PPFIA1: variants seen among roughly 807,000 people sequenced by gnomAD.
PPFIA1 encodes liprin-alpha-1.
In PPFIA1, 25 loss-of-function variants were observed where a neutral mutation model predicts 149.9. The observed-to-expected ratio is 0.17, with a 90% CI of 0.12 to 0.23. The LOEUF (loss-of-function observed/expected upper bound fraction) is 0.23, where lower values mean the gene tolerates loss of function less well. Among genes scored for constraint, PPFIA1 ranks in the 10% least tolerant of loss-of-function variants. The probability of loss-of-function intolerance (pLI) is 1.00; values close to 1 mark genes in which losing one functional copy is unlikely to be tolerated. For synonymous variants in PPFIA1, 549 were observed against 552.8 expected (o/e 0.99, Z 0.10); for missense variants, 1,362 against 1,506.5 (o/e 0.90, Z 1.59).
rs780588118 is a variant in PPFIA1, at chr11:70,343,835, C to T, written c.1874C>T (p.Ala625Val). ...DLLSPSGQAD[A>V]HTLAMMLQEQ... ...CTATCGCCCAGCGGGCAGGCCGACG[C>T]GCACACACTAGCCATGATGCTTCAG... Residue 625 changes from alanine to valine, a missense_variant, in exon 15 of 28, where the codon GCG becomes GTG. This residue lies in a region of PPFIA1 where 733 missense variants were observed against 744.1 expected (regional missense o/e 0.99). Transcript: ENST00000253925. The T allele has an allele frequency of 2.6e-5, 42 of 1,613,990 alleles. No individual in the cohort carries two copies. Among genetic ancestry groups the T allele is most frequent in the Non-Finnish European group, 2.9e-5 (34 of 1,180,030 alleles).
At chr11:70,298,418 G>A (rs1350696103) in intron 2 of PPFIA1, among the ~76,000 whole-genome samples, 1 of 152,170 alleles carries the variant, frequency 6.6e-6, no homozygotes, top group African/African-American at 2.4e-5. Flanking sequence ...TGATGAATTA[G>A]GAGACTGCTT....
At chr11:70,279,903 G>GTGTGTGTGTGTGTGTGTGTGTGTGT (rs1328899566) in intron 2 of PPFIA1, among the ~76,000 whole-genome samples, 267 of 100,000 alleles carry the variant, frequency 2.7e-3, no homozygotes, top group African/African-American at 0.018. Flanking sequence ...TGTGTGTGGG[G>GTGTGTGTGTGTGTGTGTGTGTGTGT]GATGTGTGTG....
At chr11:70,343,374 C>T (rs1170235227) in intron 14 of PPFIA1, among the ~76,000 whole-genome samples, 2 of 152,188 alleles carry the variant, frequency 1.3e-5, no homozygotes, top group Admixed American at 6.5e-5. Context: ...CCACCCTTCC[C>T]GGCTGATTTT....
chr11:70,288,263 G>C (rs940549280), intron 2 of PPFIA1, among the ~76,000 whole-genome samples: 1 of 151,904 alleles, frequency 6.6e-6, no homozygotes, highest in Non-Finnish European at 1.5e-5. Context: ...GTAGAGATGG[G>C]GTTTCACCAT....
At chr11:70,327,221 C>T (rs1029981831) in intron 7 of PPFIA1, 1 of 176,198 alleles carries the variant, frequency 5.7e-6, no homozygotes, top group African/African-American at 2.4e-5. Context: ...ACTTAGCAAG[C>T]AGATATTGAT....
chr11:70,295,238 C>T (rs1459743112), intron 2 of PPFIA1, among the ~76,000 whole-genome samples: 1 of 138,686 alleles, frequency 7.2e-6, no homozygotes, highest in African/African-American at 2.8e-5. Flanking sequence ...AGGGGCTGAC[C>T]CCCCCACCTC....
chr11:70,321,138 G>T (rs2053914685), intron 2 of PPFIA1: 1 of 152,202 alleles, frequency 6.6e-6, no homozygotes, highest in African/African-American at 2.4e-5. Context: ...CTTGTGAATG[G>T]AATAATGTGC....
At chr11:70,278,833 A>T (rs1202938603) in intron 2 of PPFIA1, 1 of 389,390 alleles carries the variant, frequency 2.6e-6, no homozygotes, top group Admixed American at 3.9e-5. Flanking sequence ...TCACAGAGAT[A>T]TAGTTCACTG....
intron 19 of PPFIA1, among the ~76,000 whole-genome samples, chr11:70,359,372 G>A (rs1287080902): frequency 6.6e-6 from 1 of 152,158 alleles, no homozygotes; most frequent in Non-Finnish European, 1.5e-5. Flanking sequence ...TCATCAGGGC[G>A]ACCCTACATC....
intron 21 of PPFIA1, among the ~76,000 whole-genome samples, chr11:70,370,931 G>A (rs554186862): frequency 9.2e-5 from 14 of 152,240 alleles, no homozygotes; most frequent in Non-Finnish European, 1.9e-4. Flanking sequence ...TCAGGAGTTT[G>A]AGACCAGTCT....
chr11:70,333,425 A>G, intron 9 of PPFIA1, 45 bp from the exon 10 acceptor site: 1 of 1,494,598 alleles, frequency 6.7e-7, no homozygotes, highest in Non-Finnish European at 9.3e-7. Context: ...CATGTCGTTA[A>G]TGAAGTGTAA....
chr11:70,360,888 A>G (rs1368443328), intron 19 of PPFIA1, among the ~76,000 whole-genome samples: 1 of 152,206 alleles, frequency 6.6e-6, no homozygotes, highest in African/African-American at 2.4e-5. Flanking sequence ...TTGCAAACCA[A>G]ATGTATGTGT....
At chr11:70,333,362 G>A (rs753801801) in intron 9 of PPFIA1, 108 bp from the exon 10 acceptor site, 41 of 824,998 alleles carry the variant, frequency 5.0e-5, no homozygotes, top group Non-Finnish European at 6.4e-5. Flanking sequence ...TTAGTATGGC[G>A]GAGCAGCCCA....
chr11:70,367,530 CTG>C (rs1208542909), intron 21 of PPFIA1: 7 of 456,008 alleles, frequency 1.5e-5, no homozygotes, highest in Admixed American at 1.2e-4. Context: ...GGAGTAAACA[CTG>C]TGCAGTGGGT....
chr11:70,298,039 G>GA (rs35837817), intron 2 of PPFIA1, among the ~76,000 whole-genome samples: 2,457 of 152,238 alleles, frequency 0.016, 26 homozygotes, highest in Non-Finnish European at 0.023. Flanking sequence ...GAATTATCAG[G>GA]AAAAAATGCC....
chr11:70,332,898 G>A (rs1308463574), intron 9 of PPFIA1: 1 of 399,280 alleles, frequency 2.5e-6, no homozygotes, highest in Admixed American at 2.6e-5. Flanking sequence ...TCACACACCT[G>A]TTCCTTCTAG....
At chr11:70,367,450 C>A in intron 21 of PPFIA1, 1 of 451,368 alleles carries the variant, frequency 2.2e-6, no homozygotes, top group South Asian at 1.6e-5. Context: ...ACCCATGGTC[C>A]CCCCGTCATG....
At chr11:70,287,702 G>A (rs530918059) in intron 2 of PPFIA1, among the ~76,000 whole-genome samples, 14 of 151,952 alleles carry the variant, frequency 9.2e-5, no homozygotes, top group Non-Finnish European at 1.2e-4. Flanking sequence ...GGAGCGCAGT[G>A]ACACAATCAC....
chr11:70,328,529 G>T (rs921142600), intron 7 of PPFIA1, among the ~76,000 whole-genome samples: 1 of 152,088 alleles, frequency 6.6e-6, no homozygotes, highest in Admixed American at 6.5e-5. Context: ...GAATAGTGCT[G>T]CAGTGAACAT....
Sources: gnomAD v4.1 joint callset for allele counts (sites outside exome capture counted in the v4.1 genomes callset) on GRCh38, gnomAD v4.1.1 for gene constraint, gnomAD v4.1.1 regional missense constraint, MANE v1.5 for transcripts, NCBI Gene and HGNC (gene_info 2026-07-23, HGNC 2026-07-21) for gene names.